Variants in ZFPM1 observed in about 807,000 individuals in gnomAD.
ZFPM1 encodes the protein zinc finger protein, FOG family member 1.
Under a neutral mutation model 46.3 loss-of-function variants are expected in ZFPM1, and 28 were observed. The ratio of observed to expected loss-of-function variants is 0.60; its 90% CI spans 0.45 to 0.83. ZFPM1 has a LOEUF of 0.83. ZFPM1 is among the 40% of genes least tolerant of loss of function. The pLI is 0.00. For synonymous variants in ZFPM1, 957 were observed against 675.9 expected (o/e 1.42, Z -6.45); for missense variants, 1,878 against 1,432.4 (o/e 1.31, Z -5.02).
chr16:88,492,943 A>G (rs73259755), intron 3 of ZFPM1, among the ~76,000 whole-genome samples: 1,528 of 152,198 alleles, frequency 0.01, 19 homozygotes, highest in African/African-American at 0.035. Flanking sequence ...CGGGGAGCAG[A>G]GACCTGTCCC....
In ZFPM1 at chr16:88,532,093, G is replaced by C. The variant is rs200846316; in HGVS notation, c.804G>C (p.Gln268His). 5 of 1,612,470 alleles carry C rather than the reference G, an allele frequency of 3.1e-6. No homozygotes were observed. Among genetic ancestry groups the C allele is most frequent in the East Asian group, 2.2e-5 (1 of 44,876 alleles). The change falls in exon 7 of 10, where the codon CAG becomes CAC. Residue 268 changes from glutamine to histidine, a missense_variant. Gln to His is a conservative substitution (Grantham distance 24). Transcript: ENST00000319555. ...TGCTCTACTACTGCGCCAGCCGCCA[G>C]GGCACCGGCTCCCCGGCCGCAGCCG... is the stretch of plus-strand genomic sequence containing the variant. ...AHLLYYCASR[Q>H]GTGSPAAAAT...
At chr16:88,490,541 C>T (rs1597246502) in intron 3 of ZFPM1, among the ~76,000 whole-genome samples, 1 of 152,206 alleles carries the variant, frequency 6.6e-6, no homozygotes, top group Admixed American at 6.5e-5. Context: ...CATTCCTTCC[C>T]AGGGGCCAAG....
chr16:88,532,791 G>C lies in ZFPM1; in HGVS notation c.1045G>C (p.Val349Leu). Residue 349 changes from valine to leucine, a missense_variant and splice_region_variant, in exon 9 of 10, where the codon GTC (valine) becomes CTC (leucine). By Grantham distance (32) the Val-to-Leu change is conservative (BLOSUM62 1). Coordinates refer to ENST00000319555, the MANE Select transcript of ZFPM1 (RefSeq NM_153813.3). ...LKVHTDTLSG[V>L]CHSCGFISTT... is the part of the protein sequence containing the mutation. ...GACCACCTCGCCATGGCCCACAGGT[G>C]TCTGCCACAGCTGTGGCTTCATCTC... is the stretch of plus-strand genomic sequence containing the variant. The C allele has an allele frequency of 6.2e-7, 1 of 1,613,196 alleles. No individual in the cohort carries two copies. Among genetic ancestry groups the C allele is most frequent in the Non-Finnish European group, 8.5e-7 (1 of 1,179,916 alleles).
upstream of ZFPM1, among the ~76,000 whole-genome samples, chr16:88,453,155 G>T (rs1192112605): frequency 6.7e-6 from 1 of 148,216 alleles, no homozygotes; most frequent in East Asian, 2.0e-4. Flanking sequence ...TGGCCGCGGC[G>T]CTGGGGGCGG....
Position 88,480,500 on chromosome 16 carries a change from C to T in ZFPM1, c.41-5439C>T, listed in dbSNP as rs2142365578. ...TGGCTGCCAGTGGTCACCCGCCCCA[C>T]CAGCTGCTCACATGGGGCCTGGGCA... is the stretch of plus-strand genomic sequence containing the variant. On this transcript the variant is annotated intron_variant, in intron 1 of 9. Coordinates refer to ENST00000319555, the MANE Select transcript of ZFPM1 (RefSeq NM_153813.3). The surrounding 1 kb of genome is among the most constrained non-coding windows in gnomAD (Gnocchi z 4.9). Among the ~76,000 whole-genome samples, 1 of 152,328 alleles carries T rather than the reference C, an allele frequency of 6.6e-6. No homozygotes were observed. The highest frequency in any genetic ancestry group is 1.9e-4 in the East Asian group (1 of 5,186).
chr16:88,523,809 G>A (rs913140580), intron 4 of ZFPM1, among the ~76,000 whole-genome samples: 14 of 152,286 alleles, frequency 9.2e-5, no homozygotes, highest in South Asian at 6.2e-4. Context: ...GGTCGGGGGC[G>A]GGTGCCGGAT....
At chr16:88,473,868 C>T (rs2142357936) in intron 1 of ZFPM1, among the ~76,000 whole-genome samples, 1 of 152,324 alleles carries the variant, frequency 6.6e-6, no homozygotes, top group Middle Eastern at 3.4e-3. Flanking sequence ...CACGCGGCCT[C>T]GCCACCCCCA....
At chr16:88,462,015 C>T (rs540552339) in intron 1 of ZFPM1, among the ~76,000 whole-genome samples, 4 of 152,364 alleles carry the variant, frequency 2.6e-5, no homozygotes, top group East Asian at 3.9e-4. Context: ...CATCGGCCGG[C>T]GGCCTCCCCA....
intron 1 of ZFPM1, among the ~76,000 whole-genome samples, chr16:88,458,010 A>T (rs1427154618): frequency 1.3e-5 from 2 of 152,216 alleles, no homozygotes; most frequent in Non-Finnish European, 2.9e-5. Flanking sequence ...CCAATGCTTA[A>T]GAGCCCTCTC....
At chr16:88,475,831 C>T (rs773912967) in intron 1 of ZFPM1, among the ~76,000 whole-genome samples, 3 of 152,188 alleles carry the variant, frequency 2.0e-5, no homozygotes, top group South Asian at 2.1e-4. Context: ...GGGACGCACG[C>T]GTGCAGGAGG....
In ZFPM1 at chr16:88,480,355, A is replaced by G. The variant is rs1484608513; in HGVS notation, c.41-5584A>G. ...GCACGCCAAGGGCTCAGGAAGGGGAAAGGAGCCAGCGAAAGCGAAGGAGGA... is the reference window on the plus strand; with the variant it reads ...GCACGCCAAGGGCTCAGGAAGGGGAGAGGAGCCAGCGAAAGCGAAGGAGGA... On this transcript the variant is annotated intron_variant, in intron 1 of 9. Transcript: ENST00000319555. The surrounding 1 kb of genome is among the most constrained non-coding windows in gnomAD (Gnocchi z 4.9). Among the ~76,000 whole-genome samples the G allele has an allele frequency of 6.6e-6, 1 of 152,158 alleles. No homozygotes were observed. The highest frequency in any genetic ancestry group is 1.5e-5 in the Non-Finnish European group (1 of 68,036).
intron 3 of ZFPM1, among the ~76,000 whole-genome samples, chr16:88,501,148 TGCTGGTGATGATGGAGATAGCAGA>T (rs1161268916): frequency 1.6e-5 from 2 of 125,280 alleles, no homozygotes; most frequent in African/African-American, 6.1e-5. Context: ...ATCCCGCAGG[TGCTGGTGATGATGGAGATAGCAGA>T]CATGGGTGCG....
chr16:88,516,983 GTCAGGAGCGTGGAC>G (rs1324309012), intron 4 of ZFPM1, among the ~76,000 whole-genome samples: 1 of 152,210 alleles, frequency 6.6e-6, no homozygotes, highest in Non-Finnish European at 1.5e-5. Flanking sequence ...CCCCAGCCGA[GTCAGGAGCGTGGAC>G]TCTGGCACCG....
intron 1 of ZFPM1, among the ~76,000 whole-genome samples, chr16:88,474,034 C>T (rs1908550137): frequency 1.3e-5 from 2 of 152,376 alleles, no homozygotes; most frequent in South Asian, 2.1e-4. Context: ...CAACCTTCAG[C>T]GTCGATAAAG....
Position 88,532,604 on chromosome 16 carries a change from T to G in ZFPM1, c.947-10T>G. 6.4e-7 allele frequency: 1 copy of G among 1,558,632 alleles called. No homozygotes were observed. The highest frequency in any genetic ancestry group is 8.7e-7 in the Non-Finnish European group (1 of 1,151,052). ...GCCCGGGCACCGCTCTTACGCGCCC[T>G]GTGTTCCAGGAGAGCGGCCCTTCGT... On this transcript the variant is annotated splice_polypyrimidine_tract_variant and intron_variant, in intron 7 of 9. Coordinates refer to ENST00000319555, the MANE Select transcript of ZFPM1 (RefSeq NM_153813.3).
intron 1 of ZFPM1, among the ~76,000 whole-genome samples, chr16:88,461,247 GGAGGCCCTGGTGAGGACCGACGGGTGC>G (rs1907871744): frequency 8.0e-5 from 10 of 125,566 alleles, no homozygotes; most frequent in East Asian, 2.6e-4. Context: ...GGGTGGGGCG[GGAGGCCCTGGTGAGGACCGACGGGTGC>G]GAGGCCTGGT....
intron 4 of ZFPM1, among the ~76,000 whole-genome samples, chr16:88,525,667 C>A (rs906128013): frequency 2.6e-5 from 4 of 152,182 alleles, no homozygotes; most frequent in African/African-American, 4.8e-5. Flanking sequence ...CAGGAGGGAC[C>A]GAGGCCTGAG....
intron 4 of ZFPM1, chr16:88,522,111 C>CA (rs974457444): frequency 3.3e-5 from 5 of 152,516 alleles, no homozygotes; most frequent in African/African-American, 1.2e-4. Context: ...AGCTGGTGCA[C>CA]AAGGCCTGCC....
chr16:88,499,338 CAG>C (rs1489023065), intron 3 of ZFPM1, among the ~76,000 whole-genome samples: 4 of 152,226 alleles, frequency 2.6e-5, no homozygotes, highest in African/African-American at 4.8e-5. Context: ...CTGTGATAGA[CAG>C]GGGGATGCAG....
Sources: gnomAD v4.1 joint callset for allele counts (sites outside exome capture counted in the v4.1 genomes callset) on GRCh38, gnomAD v4.1.1 for gene constraint, Gnocchi (gnomAD v3.1) non-coding constraint, MANE v1.5 for transcripts, NCBI Gene and HGNC (gene_info 2026-07-23, HGNC 2026-07-21) for gene names.